TMEM260: variants seen among roughly 807,000 people sequenced by gnomAD.
TMEM260 encodes the protein transmembrane protein 260, also known as protein O-mannosyl-transferase TMEM260.
Under a neutral mutation model 88.9 loss-of-function variants are expected in TMEM260, and 82 were observed. That is an observed-to-expected ratio of 0.92 (90% CI 0.77 to 1.11). The LOEUF (loss-of-function observed/expected upper bound fraction) is 1.11. Ranked by LOEUF, TMEM260 falls within the 50% of genes least tolerant of loss-of-function variation. TMEM260 has a pLI of 0.00. For synonymous variants in TMEM260, 314 were observed against 309.3 expected (o/e 1.02, Z -0.16); for missense variants, 902 against 853.4 (o/e 1.06, Z -0.71).
At chr14:56,641,263 G>T (rs1334484458) in intron 15 of TMEM260, among the ~76,000 whole-genome samples, 1 of 152,152 alleles carries the variant, frequency 6.6e-6, no homozygotes, top group Admixed American at 6.5e-5. Context: ...GGCAGCCAGA[G>T]AGAAAGATGG....
At chr14:56,643,081 G>A (rs1889716940) in intron 15 of TMEM260, among the ~76,000 whole-genome samples, 1 of 152,138 alleles carries the variant, frequency 6.6e-6, no homozygotes, top group Non-Finnish European at 1.5e-5. Context: ...TTCTACCAGA[G>A]GTACAAGGAG....
At chr14:56,662,398 C>T in the TMEM260 span, among the ~76,000 whole-genome samples, 4 of 152,280 alleles carry the variant, frequency 2.6e-5, no homozygotes, top group East Asian at 7.7e-4. Flanking sequence ...AGAGCCCGGC[C>T]ACCAACAGAA....
In TMEM260 at chr14:56,618,599, A is replaced by G. The variant is rs374793497; in HGVS notation, c.1062A>G (p.Glu354=). The G allele has an allele frequency of 8.7e-6, 14 of 1,613,708 alleles. No homozygotes were observed. The African/African-American group carries it at 1.7e-4, about 20-fold the overall frequency. ...GTTGCATGTCTCTTTCACAGGTGGA[A>G]CGATTCTGGATGCAGAGCAATGCAG... ...ISKPLFMGVV[E]RFWMQSNAVV... is the part of the protein sequence containing the mutation. Residue 354 remains glutamate (E), a synonymous_variant, in exon 10 of 16, where the codon GAA becomes GAG. Coordinates refer to ENST00000261556, the MANE Select transcript of TMEM260 (RefSeq NM_017799.4).
intron 3 of TMEM260, among the ~76,000 whole-genome samples, chr14:56,596,425 T>TATATATAC (rs1490067903): frequency 4.1e-4 from 55 of 135,636 alleles, no homozygotes; most frequent in African/African-American, 1.5e-3. Flanking sequence ...TATATATATA[T>TATATATAC]ACATACACAC....
chr14:56,622,739 TATG>T (rs1403532869), intron 11 of TMEM260, among the ~76,000 whole-genome samples: 7 of 152,320 alleles, frequency 4.6e-5, no homozygotes, highest in South Asian at 2.1e-4. Flanking sequence ...AAAAGAATAA[TATG>T]ATGAATTCAA....
chr14:56,660,799 T>A, the TMEM260 span, among the ~76,000 whole-genome samples: 2 of 152,190 alleles, frequency 1.3e-5, no homozygotes, highest in Non-Finnish European at 2.9e-5. Flanking sequence ...TGTCTCGCTC[T>A]CTCTTCTCTA....
intron 6 of TMEM260, among the ~76,000 whole-genome samples, chr14:56,610,515 T>C (rs902837391): frequency 5.3e-5 from 8 of 152,190 alleles, no homozygotes; most frequent in Admixed American, 4.6e-4. Context: ...GTGCGGGGAT[T>C]ACAGGCGTGA....
chr14:56,650,708 C>G (rs1299672363), downstream of TMEM260: 1 of 152,100 alleles, frequency 6.6e-6, no homozygotes, highest in Non-Finnish European at 1.5e-5. Context: ...TTTTATGATA[C>G]TCTGCCGGTA....
At chr14:56,645,836 G>T (rs1285857655) in intron 15 of TMEM260, among the ~76,000 whole-genome samples, 2 of 152,188 alleles carry the variant, frequency 1.3e-5, no homozygotes, top group Non-Finnish European at 2.9e-5. Context: ...GAGAAAAAAG[G>T]ATGATGACAA....
intron 1 of TMEM260, among the ~76,000 whole-genome samples, chr14:56,581,581 G>A (rs993944852): frequency 2.0e-5 from 3 of 152,202 alleles, no homozygotes; most frequent in African/African-American, 7.2e-5. Flanking sequence ...TGAGTGTGAA[G>A]GATGGGAGTG....
At chr14:56,660,154 C>G in the TMEM260 span, among the ~76,000 whole-genome samples, 1 of 152,158 alleles carries the variant, frequency 6.6e-6, no homozygotes. Flanking sequence ...GAGGGCATAG[C>G]AGATAAGCAT....
At chr14:56,638,648 A>G (rs1289117574) in intron 15 of TMEM260, among the ~76,000 whole-genome samples, 3 of 152,184 alleles carry the variant, frequency 2.0e-5, no homozygotes, top group African/African-American at 7.2e-5. Context: ...AATGAGGCCA[A>G]TTACTTCATG....
chr14:56,611,424 A>C (rs1887269349), intron 6 of TMEM260, among the ~76,000 whole-genome samples: 2 of 152,222 alleles, frequency 1.3e-5, no homozygotes, highest in Admixed American at 1.3e-4. Context: ...CATACAGCCA[A>C]AAAGCATATG....
intron 7 of TMEM260, chr14:56,612,737 C>T (rs987410558): frequency 6.5e-6 from 1 of 154,076 alleles, no homozygotes; most frequent in African/African-American, 2.5e-5. Flanking sequence ...TAATTGAATC[C>T]ATGGAGGCAG....
intron 12 of TMEM260, among the ~76,000 whole-genome samples, chr14:56,627,637 G>A (rs1245980405): frequency 6.6e-6 from 1 of 151,716 alleles, no homozygotes; most frequent in Non-Finnish European, 1.5e-5. Context: ...ATTATTTAAA[G>A]GCATGTGATA....
At position 56,626,836 on chromosome 14, in the gene TMEM260, C is replaced by CTA. The variant is rs1367664904; in HGVS notation, c.1547+1306_1547+1307insTA. 7.2e-5 allele frequency among the ~76,000 whole-genome samples: 11 copies of CTA among 152,154 alleles called. No homozygotes were observed. In the East Asian group the frequency reaches 2.1e-3, roughly 29 times the overall value. On this transcript the variant is annotated intron_variant, in intron 12 of 15. Transcript: ENST00000261556. The stretch of plus-strand genomic sequence containing the variant: ...GGAAAAGTGTGAAGACGATCAGTAT[C>CTA]ATCTGTCTCCCAAGGACAGCTGCTG...
At position 56,634,962 on chromosome 14, in the gene TMEM260, C is replaced by T; in HGVS notation, c.1778+10C>T. 6.2e-7 allele frequency: 1 copy of T among 1,613,334 alleles called. No individual in the cohort carries two copies. The highest frequency in any genetic ancestry group is 8.5e-7 in the Non-Finnish European group (1 of 1,179,504). On this transcript the variant is annotated intron_variant, in intron 14 of 15. Transcript: ENST00000261556. ...AAATGTGGCAAGCGAGGTGACTATT[C>T]TACATTTTTGTGTGTGCAGTCTATT...
chr14:56,613,227 A>G (rs377481071), intron 7 of TMEM260: 3 of 152,106 alleles, frequency 2.0e-5, no homozygotes, highest in East Asian at 3.9e-4. Context: ...ACTAATTTGG[A>G]ACTCTTGGGG....
Position 56,580,045 on chromosome 14 carries a change from T to C in TMEM260, c.131T>C (p.Leu44Pro), listed in dbSNP as rs1885007286. Residue 44 changes from leucine to proline, a missense_variant, in exon 1 of 16, where the codon CTG becomes CCG. Coordinates refer to ENST00000261556, the MANE Select transcript of TMEM260 (RefSeq NM_017799.4). ...AAVAAVFTFT[L>P]PPSVPGGDSG... is the part of the protein sequence containing the mutation. ...GTGGCCGCAGTGTTCACCTTCACCC[T>C]GCCCCCTTCGGTACCGGGGGGAGAC... is the stretch of plus-strand genomic sequence containing the variant. 8.0e-7 allele frequency: 1 copy of C among 1,251,748 alleles called. No homozygotes were observed. 77.5% of individuals were successfully genotyped at this position (1,251,748 alleles called of 1,614,324 possible).
Sources: allele counts gnomAD v4.1 joint callset (sites outside exome capture counted in the v4.1 genomes callset), GRCh38; gene constraint gnomAD v4.1.1; transcripts MANE v1.5; gene names NCBI Gene and HGNC (gene_info 2026-07-23, HGNC 2026-07-21).